Variants in MYH3 observed in about 807,000 individuals in gnomAD.
MYH3 encodes the protein myosin-3.
In MYH3, 130 loss-of-function variants were observed where a neutral mutation model predicts 238.0. That is an observed-to-expected ratio of 0.55 (90% CI 0.47 to 0.63). The LOEUF is 0.63. MYH3 is among the 30% of genes least tolerant of loss of function. The pLI is 0.00. For missense variants in MYH3, 1,853 were observed against 2,374.9 expected, an observed-to-expected ratio of 0.78 and a Z score of 4.57; for synonymous variants, 880 against 924.1, an observed-to-expected ratio of 0.95 and a Z score of 0.86.
chr17:10,641,916 G>C (rs1414386918), intron 17 of MYH3, among the ~76,000 whole-genome samples: 1 of 152,284 alleles, frequency 6.6e-6, no homozygotes, highest in Middle Eastern at 3.4e-3. Context: ...AGTACAAAAT[G>C]CTTTCTAAAA....
Position 10,642,134 on chromosome 17 carries a change from A to T in MYH3, c.1959+106T>A. 2 of 1,057,412 alleles carry T rather than the reference A, an allele frequency of 1.9e-6. No homozygotes were observed. The highest frequency in any genetic ancestry group is 1.4e-6 in the Non-Finnish European group (1 of 695,326). The allele number at this position is 1,057,412 out of a possible 1,614,324, so 65.5% of individuals were successfully genotyped here. A position where few individuals can be genotyped will look rare whatever the true frequency, so the allele number is the denominator to read the frequency against. The stretch of plus-strand genomic sequence containing the variant: ...TCACCTCAGTGACAGTAATCAGATT[A>T]AGACAACACTACTACTCTCAAATAA... On this transcript the variant is annotated intron_variant, in intron 17 of 40. Transcript: ENST00000583535. The surrounding 1 kb of genome is among the most constrained non-coding windows in gnomAD (Gnocchi z 5.4).
At chr17:10,653,124 C>T (rs1028080089) in intron 3 of MYH3, among the ~76,000 whole-genome samples, 3 of 152,004 alleles carry the variant, frequency 2.0e-5, no homozygotes, top group African/African-American at 7.3e-5. Context: ...AGGTGAGAGA[C>T]GGATGTCGGA....
In MYH3 at chr17:10,642,804, C is replaced by T. The variant is rs199522410; in HGVS notation, c.1581+22G>A. ...CAGAAGAGTCTATGAGAAGAGCTTA[C>T]GGTGGGGATGGAACTGGATACCTTC... On this transcript the variant is annotated intron_variant, in intron 15 of 40. Transcript: ENST00000583535. This position sits in a 1 kb window ranked among gnomAD's most constrained non-coding sequence, Gnocchi z 5.4. 1.5e-5 allele frequency: 25 copies of T among 1,613,952 alleles called. No individual in the cohort carries two copies. Among genetic ancestry groups the T allele is most frequent in the East Asian group, 2.2e-5 (1 of 44,886 alleles).
At chr17:10,639,833 AATGAT>A (rs752755771) in intron 22 of MYH3, 31 bp from the exon 23 acceptor site, 26 of 1,613,080 alleles carry the variant, frequency 1.6e-5, no homozygotes, top group Middle Eastern at 3.3e-4. Context: ...AACTTCGTTG[AATGAT>A]ATAAGGTTTG....
At chr17:10,667,429 C>T in the MYH3 span, among the ~76,000 whole-genome samples, 1 of 152,092 alleles carries the variant, frequency 6.6e-6, no homozygotes, top group Non-Finnish European at 1.5e-5. Flanking sequence ...AACCTGTAAT[C>T]CCAGCACTTT....
chr17:10,638,900 C>A lies in MYH3; in HGVS notation c.3312G>T (p.Gln1104His). The change falls in exon 26 of 41, where the codon CAG becomes CAT. Residue 1104 changes from glutamine to histidine, a missense_variant. Around this residue, in one of 3 missense-constraint regions of MYH3, gnomAD observed 1,044 missense variants for 1,192.6 expected, o/e 0.88. Transcript: ENST00000583535. The part of the protein sequence containing the change: ...KVEDEQTLGL[Q>H]FQKKIKELQA... ...GCAACTCTTTGATTTTCTTCTGAAA[C>A]TGGAGGCCCAGTGTCTGCTCATCTT... 6.2e-7 allele frequency: 1 copy of A among 1,614,160 alleles called. No individual in the cohort carries two copies. Among genetic ancestry groups the A allele is most frequent in the Non-Finnish European group, 8.5e-7 (1 of 1,179,986 alleles).
intron 12 of MYH3, among the ~76,000 whole-genome samples, chr17:10,645,076 T>C (rs11654019): frequency 0.63 from 94,630 of 150,484 alleles, 31,696 homozygotes; most frequent in Non-Finnish European, 0.77. Flanking sequence ...CTTACTGTGT[T>C]GCCCAGGCTG....
At chr17:10,661,822 G>C (rs2074482366), upstream of MYH3, among the ~76,000 whole-genome samples, 1 of 152,134 alleles carries the variant, frequency 6.6e-6, no homozygotes, top group South Asian at 2.1e-4. Context: ...GCCCCACTGT[G>C]ATGGGGATTA....
chr17:10,634,368 G>T (rs2074193389), intron 31 of MYH3, among the ~76,000 whole-genome samples, 186 bp from the exon 32 acceptor site: 1 of 152,206 alleles, frequency 6.6e-6, no homozygotes, highest in Admixed American at 6.5e-5. Flanking sequence ...AATGAGTCAG[G>T]AACAATTGCC....
chr17:10,637,087 T>C (rs1319060012), intron 28 of MYH3, among the ~76,000 whole-genome samples: 9 of 151,044 alleles, frequency 6.0e-5, no homozygotes, highest in Admixed American at 5.9e-4. Context: ...GAGACAGAGT[T>C]TCATTCTTGT....
At chr17:10,643,191 T>C (rs562370322) in intron 14 of MYH3, among the ~76,000 whole-genome samples, 195 bp from the exon 15 acceptor site, 14 of 152,298 alleles carry the variant, frequency 9.2e-5, no homozygotes, top group South Asian at 8.3e-4. Context: ...AGAAGGTGTT[T>C]CTCCCTTTCC....
At chr17:10,635,641 A>G in intron 29 of MYH3, 78 bp from the exon 30 acceptor site, 9 of 1,613,822 alleles carry the variant, frequency 5.6e-6, no homozygotes, top group Non-Finnish European at 2.5e-6. Context: ...TGTCCCTTCT[A>G]TCACCACCTT....
intron 32 of MYH3, 78 bp downstream of exon 32, chr17:10,633,939 A>T: frequency 6.4e-7 from 1 of 1,571,366 alleles, no homozygotes; most frequent in Non-Finnish European, 8.7e-7. Flanking sequence ...CTGAGTGATG[A>T]AGCCACACCC....
At chr17:10,674,938 C>T in the MYH3 span, 1 of 152,204 alleles carries the variant, frequency 6.6e-6, no homozygotes, top group African/African-American at 2.4e-5. Flanking sequence ...CAGAGTGGTC[C>T]GGAGCTTGAC....
the MYH3 span, chr17:10,673,355 GTCAA>G: frequency 0.45 from 68,432 of 151,012 alleles, 15,607 homozygotes; most frequent in East Asian, 0.54. Context: ...TGTTGACGTC[GTCAA>G]TCAATCAGTG....
the MYH3 span, among the ~76,000 whole-genome samples, chr17:10,669,941 C>T: frequency 6.6e-6 from 1 of 152,022 alleles, no homozygotes; most frequent in Admixed American, 6.5e-5. Flanking sequence ...AATAAAAAAT[C>T]ATCTTCAGCT....
In MYH3 at chr17:10,641,122, AC is replaced by A; in HGVS notation, c.2127del (p.Phe710SerfsTer17). On this transcript the variant is annotated frameshift_variant, in exon 19 of 41. Coordinates refer to ENST00000583535, the MANE Select transcript of MYH3 (RefSeq NM_002470.4). LOFTEE classifies it high-confidence loss of function. ...TCGCCATAGAGAATCCTGTTTGGGA[AC>A]CCTTTCCTGCAGATGCGGATGCCCT... Reference protein sequence around the residue: ...VLEGIRICRKGFPNRILYGDF... With the variant: ...VLEGIRICRKXFPNRILYGDF... 1 of 1,613,416 alleles carries A rather than the reference AC, an allele frequency of 6.2e-7. No homozygotes were observed. The highest frequency in any genetic ancestry group is 8.5e-7 in the Non-Finnish European group (1 of 1,179,876).
At position 10,644,390 on chromosome 17, in the gene MYH3, G is replaced by T. The variant is rs1469157411; in HGVS notation, c.1371C>A (p.Phe457Leu). The T allele has an allele frequency of 6.2e-7, 1 of 1,614,118 alleles. No homozygotes were observed. The highest frequency in any genetic ancestry group is 8.5e-7 in the Non-Finnish European group (1 of 1,179,950). Reference protein sequence around the residue: ...QLDTKLPRQHFIGVLDIAGFE... With the variant: ...QLDTKLPRQHLIGVLDIAGFE... The stretch of plus-strand genomic sequence containing the variant: ...AGCCTGCAATGTCCAAAACACCAAT[G>T]AAGTGTTGTCTTGGAAGCTTCGTAT... Residue 457 changes from phenylalanine to leucine, a missense_variant, in exon 14 of 41, where the codon TTC becomes TTA. Physicochemically the swap from Phe to Leu is conservative, Grantham distance 22. This residue lies in a region of MYH3 where 678 missense variants were observed against 1,058.9 expected (regional missense o/e 0.64). Transcript: ENST00000583535.
chr17:10,648,629 G>T lies in MYH3; in HGVS notation c.663C>A (p.Ile221=). 3 of 1,613,944 alleles carry T rather than the reference G, an allele frequency of 1.9e-6. No individual in the cohort carries two copies. Among genetic ancestry groups the T allele is most frequent in the Non-Finnish European group, 2.5e-6 (3 of 1,179,856 alleles). Residue 221 remains isoleucine (I), a synonymous_variant, in exon 8 of 41, where the codon ATC becomes ATA. Coordinates refer to ENST00000583535, the MANE Select transcript of MYH3 (RefSeq NM_002470.4). Reference sequence around the variant, plus strand: ...CCTCCAGCAGGGGATTGGCACTGATGATTTGATCTTCCAGAGTCCCCTAAT... The same window carrying T: ...CCTCCAGCAGGGGATTGGCACTGATTATTTGATCTTCCAGAGTCCCCTAAT... ...SKMKGTLEDQ[I]ISANPLLEAF... is the part of the protein sequence containing the mutation.
Sources: gnomAD v4.1 joint callset for allele counts (sites outside exome capture counted in the v4.1 genomes callset) on GRCh38, gnomAD v4.1.1 for gene constraint, gnomAD v4.1.1 regional missense constraint, Gnocchi (gnomAD v3.1) non-coding constraint, MANE v1.5 for transcripts, NCBI Gene and HGNC (gene_info 2026-07-23, HGNC 2026-07-21) for gene names.